The following ARNT2 variants were observed in gnomAD, a reference collection of about 807,000 sequenced individuals.
ARNT2 encodes the protein ARNT protein 2.
In ARNT2, 36 loss-of-function variants were observed where a neutral mutation model predicts 91.7. The observed-to-expected ratio is 0.39, with a 90% CI of 0.30 to 0.52. The LOEUF is 0.52. Ranked by LOEUF, ARNT2 falls within the 20% of genes least tolerant of loss-of-function variation. The probability of loss-of-function intolerance (pLI) is 0.72; values close to 1 mark genes in which losing one functional copy is unlikely to be tolerated. For missense variants in ARNT2, 775 were observed against 939.3 expected, an observed-to-expected ratio of 0.83 and a Z score of 2.29; for synonymous variants, 365 against 347.1, an observed-to-expected ratio of 1.05 and a Z score of -0.57.
At chr15:80,471,460 T>G (rs1293023821) in intron 4 of ARNT2, among the ~76,000 whole-genome samples, 4 of 152,154 alleles carry the variant, frequency 2.6e-5, no homozygotes, top group Non-Finnish European at 4.4e-5. Flanking sequence ...TGAAATAATT[T>G]GTATAACAAA....
At chr15:80,537,280 C>A (rs187870246) in intron 8 of ARNT2, among the ~76,000 whole-genome samples, 96 of 152,232 alleles carry the variant, frequency 6.3e-4, no homozygotes, top group African/African-American at 2.3e-3. Context: ...AGGACAAGGA[C>A]CATATTATTT....
At chr15:80,478,412 T>A (rs1896838757) in intron 5 of ARNT2, among the ~76,000 whole-genome samples, 1 of 152,222 alleles carries the variant, frequency 6.6e-6, no homozygotes, top group Non-Finnish European at 1.5e-5. Flanking sequence ...ACAGGCGATG[T>A]GAACCACATT....
chr15:80,575,179 C>G (rs76691755), intron 14 of ARNT2, 69 bp downstream of exon 14: 1 of 1,581,276 alleles, frequency 6.3e-7, no homozygotes. Context: ...CATCTACAGA[C>G]AGCTACTCTT....
At chr15:80,465,416 G>C (rs1326933735) in intron 3 of ARNT2, among the ~76,000 whole-genome samples, 2 of 152,156 alleles carry the variant, frequency 1.3e-5, no homozygotes, top group Admixed American at 6.5e-5. Flanking sequence ...GGCCTGGAGA[G>C]GGGTGTGGAC....
At chr15:80,474,729 C>T (rs1046837560) in intron 4 of ARNT2, among the ~76,000 whole-genome samples, 4 of 152,202 alleles carry the variant, frequency 2.6e-5, no homozygotes, top group Admixed American at 1.3e-4. Flanking sequence ...GGTGATCACT[C>T]ATTGCTCTCC....
rs1454862706 is a variant in ARNT2, at chr15:80,553,880, CA to C, written c.1089+1107del. The stretch of plus-strand genomic sequence containing the variant: ...GCATATAATTCTGCATCTCTAGATT[CA>C]TATAAACCTCGAGATTCTTGGATGA... On this transcript the variant is annotated intron_variant, in intron 10 of 18. Coordinates refer to ENST00000303329, the MANE Select transcript of ARNT2 (RefSeq NM_014862.4). Among the ~76,000 whole-genome samples, 68 of 152,282 alleles carry C rather than the reference CA, an allele frequency of 4.5e-4. 1 individual carries two copies. Among genetic ancestry groups the C allele is most frequent in the African/African-American group, 1.3e-3 (54 of 41,560 alleles).
chr15:80,571,605 A>C (rs910926706), intron 12 of ARNT2, among the ~76,000 whole-genome samples: 1 of 152,314 alleles, frequency 6.6e-6, no homozygotes, highest in South Asian at 2.1e-4. Flanking sequence ...CTGGAAACAA[A>C]GGAACAAGAG....
At chr15:80,589,028 T>C (rs949954842) in intron 17 of ARNT2, among the ~76,000 whole-genome samples, 2 of 152,192 alleles carry the variant, frequency 1.3e-5, no homozygotes, top group Non-Finnish European at 2.9e-5. Context: ...TTGATGAGAT[T>C]AGAAGAGGTT....
chr15:80,460,822 A>T (rs1896541741), intron 3 of ARNT2, among the ~76,000 whole-genome samples: 1 of 152,128 alleles, frequency 6.6e-6, no homozygotes, highest in African/African-American at 2.4e-5. Flanking sequence ...TGTGAGGAGG[A>T]GAAGTAATGG....
chr15:80,541,992 C>A (rs962106934), intron 8 of ARNT2, among the ~76,000 whole-genome samples: 3 of 152,180 alleles, frequency 2.0e-5, no homozygotes, highest in African/African-American at 7.2e-5. Flanking sequence ...GTGTCAGGGC[C>A]TCCTTTACAA....
At chr15:80,497,386 G>A (rs1458958870) in intron 5 of ARNT2, among the ~76,000 whole-genome samples, 3 of 152,258 alleles carry the variant, frequency 2.0e-5, no homozygotes, top group Non-Finnish European at 2.9e-5. Context: ...GCCAAGATCT[G>A]TGAGCAGCCT....
At chr15:80,447,141 AACACACACACAC>A (rs141530902) in intron 1 of ARNT2, among the ~76,000 whole-genome samples, 3 of 150,080 alleles carry the variant, frequency 2.0e-5, no homozygotes, top group African/African-American at 7.3e-5. Flanking sequence ...CTGTGCATAT[AACACACACACAC>A]ACACACACAC....
At chr15:80,491,055 T>C (rs905942723) in intron 5 of ARNT2, among the ~76,000 whole-genome samples, 3 of 152,026 alleles carry the variant, frequency 2.0e-5, no homozygotes, top group Admixed American at 6.5e-5. Flanking sequence ...AATTAGCAAT[T>C]TGTGAGGTGG....
chr15:80,499,434 G>A (rs535616653), intron 5 of ARNT2, among the ~76,000 whole-genome samples: 1 of 152,288 alleles, frequency 6.6e-6, no homozygotes, highest in South Asian at 2.1e-4. Context: ...CATTGTATTA[G>A]CCTGAACTAT....
chr15:80,479,117 G>T (rs550786632), intron 5 of ARNT2, among the ~76,000 whole-genome samples: 1 of 152,318 alleles, frequency 6.6e-6, no homozygotes, highest in Non-Finnish European at 1.5e-5. Flanking sequence ...TGGACCTGCA[G>T]GGTCACCTGT....
At chr15:80,461,185 C>A (rs576562467) in intron 3 of ARNT2, among the ~76,000 whole-genome samples, 1 of 152,340 alleles carries the variant, frequency 6.6e-6, no homozygotes, top group East Asian at 1.9e-4. Context: ...GATTGTGGAC[C>A]ACCAATGTGA....
chr15:80,588,393 A>G (rs956138021), intron 17 of ARNT2, among the ~76,000 whole-genome samples: 2 of 133,494 alleles, frequency 1.5e-5, no homozygotes, highest in East Asian at 4.3e-4. Context: ...CCTCTTGTCT[A>G]CCCCATTCCT....
chr15:80,509,249 C>G (rs964934556), intron 6 of ARNT2, among the ~76,000 whole-genome samples: 3 of 151,928 alleles, frequency 2.0e-5, no homozygotes, highest in African/African-American at 4.8e-5. Flanking sequence ...TGAGACCAGC[C>G]TGGCCAAAAT....
intron 9 of ARNT2, among the ~76,000 whole-genome samples, chr15:80,552,209 A>G (rs1189627647): frequency 1.3e-5 from 2 of 152,212 alleles, no homozygotes; most frequent in African/African-American, 2.4e-5. Context: ...ATATTTGGGT[A>G]AATTCAGTTC....
Sources: allele counts gnomAD v4.1 joint callset (sites outside exome capture counted in the v4.1 genomes callset), GRCh38; gene constraint gnomAD v4.1.1; transcripts MANE v1.5; gene names NCBI Gene and HGNC (gene_info 2026-07-23, HGNC 2026-07-21).